The following CSMD1 variants were observed in gnomAD, a reference collection of about 807,000 sequenced individuals.
CSMD1 encodes CUB and sushi domain-containing protein 1.
In CSMD1, 213 loss-of-function variants were observed where a neutral mutation model predicts 417.5. That is an observed-to-expected ratio of 0.51 (90% confidence interval 0.46 to 0.57). The LOEUF (loss-of-function observed/expected upper bound fraction) is 0.57, where lower values mean the gene tolerates loss of function less well. CSMD1 is among the 20% of genes least tolerant of loss of function. The pLI, the probability that CSMD1 is intolerant of heterozygous loss-of-function variation, is 0.00. For missense variants in CSMD1, 6,923 were observed against 4,529.7 expected (o/e 1.53, Z -15.17); for synonymous variants, 2,862 against 1,736.8 (o/e 1.65, Z -16.11).
chr8:4,428,605 G>A (rs943095182), intron 2 of CSMD1, among the ~76,000 whole-genome samples: 5 of 152,104 alleles, frequency 3.3e-5, no homozygotes, highest in African/African-American at 9.7e-5. Flanking sequence ...AATACTAGAT[G>A]TGCTCAAGTT....
intron 2 of CSMD1, among the ~76,000 whole-genome samples, chr8:4,455,071 C>T: frequency 6.6e-6 from 1 of 151,982 alleles, no homozygotes; most frequent in East Asian, 1.9e-4. Flanking sequence ...TGGGAAACTT[C>T]GTGCTATACA....
intron 3 of CSMD1, among the ~76,000 whole-genome samples, chr8:4,232,264 T>C (rs921211465): frequency 6.6e-6 from 1 of 152,196 alleles, no homozygotes; most frequent in Non-Finnish European, 1.5e-5. Flanking sequence ...AGTGGCACGA[T>C]CTTGGCTCAC....
intron 2 of CSMD1, among the ~76,000 whole-genome samples, chr8:4,518,175 G>A (rs1433311774): frequency 6.6e-6 from 1 of 152,092 alleles, no homozygotes; most frequent in East Asian, 1.9e-4. Flanking sequence ...ACAGAGTATG[G>A]CACGAATGAT....
At chr8:3,550,374 A>G (rs990974482) in intron 10 of CSMD1, among the ~76,000 whole-genome samples, 5 of 152,124 alleles carry the variant, frequency 3.3e-5, no homozygotes, top group African/African-American at 1.2e-4. Flanking sequence ...GCCTGGACCA[A>G]TCTTCCTCCT....
At chr8:4,815,244 C>G (rs1799137973) in intron 1 of CSMD1, among the ~76,000 whole-genome samples, 1 of 151,966 alleles carries the variant, frequency 6.6e-6, no homozygotes, top group African/African-American at 2.4e-5. Flanking sequence ...GATGAAACCA[C>G]AATTAACAAT....
chr8:4,433,833 A>C (rs1351362545), intron 2 of CSMD1, among the ~76,000 whole-genome samples: 1 of 148,356 alleles, frequency 6.7e-6, no homozygotes, highest in Non-Finnish European at 1.5e-5. Context: ...AATCTGGAAA[A>C]AAAGGGAAAA....
At chr8:3,766,885 T>C (rs565445826) in intron 5 of CSMD1, among the ~76,000 whole-genome samples, 98 of 152,288 alleles carry the variant, frequency 6.4e-4, no homozygotes, top group African/African-American at 2.2e-3. Context: ...TATCACTTGA[T>C]AGACTGACGC....
intron 3 of CSMD1, among the ~76,000 whole-genome samples, chr8:4,089,773 A>G (rs1020798467): frequency 1.3e-5 from 2 of 152,136 alleles, no homozygotes; most frequent in African/African-American, 4.8e-5. Context: ...TATTTTTGTT[A>G]TGGGCAATAA....
chr8:3,017,125 G>C (rs959798583), intron 52 of CSMD1, among the ~76,000 whole-genome samples: 2 of 152,232 alleles, frequency 1.3e-5, no homozygotes, highest in East Asian at 3.8e-4. Flanking sequence ...TCAACTGTAA[G>C]TTGCTGTTAA....
At chr8:4,397,851 A>C (rs570118735) in intron 3 of CSMD1, among the ~76,000 whole-genome samples, 1 of 152,302 alleles carries the variant, frequency 6.6e-6, no homozygotes, top group Admixed American at 6.5e-5. Flanking sequence ...GTCAGGATAC[A>C]TCTTTCTAAT....
At chr8:3,297,075 C>G (rs1804026464) in intron 25 of CSMD1, among the ~76,000 whole-genome samples, 1 of 152,156 alleles carries the variant, frequency 6.6e-6, no homozygotes, top group African/African-American at 2.4e-5. Context: ...ATATGTTTGC[C>G]ATTAAGCAGA....
At chr8:3,550,346 CT>C (rs1394120375) in intron 10 of CSMD1, among the ~76,000 whole-genome samples, 1 of 152,202 alleles carries the variant, frequency 6.6e-6, no homozygotes, top group African/African-American at 2.4e-5. Flanking sequence ...CTCATTCCTA[CT>C]CCAGGGCCTT....
intron 18 of CSMD1, among the ~76,000 whole-genome samples, chr8:3,377,459 T>C (rs996936932): frequency 6.6e-6 from 1 of 152,330 alleles, no homozygotes; most frequent in Non-Finnish European, 1.5e-5. Context: ...ACAAAATGAA[T>C]AAGCTAAGTG....
chr8:4,133,107 T>C (rs543637319), intron 3 of CSMD1, among the ~76,000 whole-genome samples: 25 of 152,134 alleles, frequency 1.6e-4, no homozygotes, highest in African/African-American at 5.3e-4. Flanking sequence ...GGATAATTTT[T>C]CTGTATTTTT....
At chr8:3,000,416 T>C (rs1807300539) in intron 52 of CSMD1, among the ~76,000 whole-genome samples, 1 of 152,038 alleles carries the variant, frequency 6.6e-6, no homozygotes, top group Non-Finnish European at 1.5e-5. Context: ...CTTACCTGTA[T>C]TCAGTTATTT....
chr8:4,898,138 T>G (rs1563706615), intron 1 of CSMD1, among the ~76,000 whole-genome samples: 1 of 152,092 alleles, frequency 6.6e-6, no homozygotes, highest in Non-Finnish European at 1.5e-5. Flanking sequence ...CATATATATG[T>G]GTATATCCTC....
At chr8:3,945,589 A>G (rs539622578) in intron 5 of CSMD1, among the ~76,000 whole-genome samples, 4 of 152,264 alleles carry the variant, frequency 2.6e-5, no homozygotes, top group African/African-American at 7.2e-5. Flanking sequence ...AGAACTCACA[A>G]TTAATATCAT....
chr8:4,420,036 A>T lies in CSMD1; in HGVS notation c.332T>A (p.Ile111Lys). The T allele has an allele frequency of 6.3e-7, 1 of 1,577,024 alleles. No homozygotes were observed. Residue 111 changes from isoleucine (I) to lysine (K), a missense_variant, in exon 3 of 70, where the codon ATA becomes AAA. Coordinates refer to ENST00000635120, the MANE Select transcript of CSMD1 (RefSeq NM_033225.6). ...AGTGAGGATAGATCCTGTACTCACT[A>T]TAGAGGAGGGCAGCTGAAATCCCGA... Reference protein sequence around the residue: ...RLSGFQLPSSIVSTGSILTLW... With the variant: ...RLSGFQLPSSKVSTGSILTLW...
At chr8:4,465,511 G>A (rs1030893985) in intron 2 of CSMD1, among the ~76,000 whole-genome samples, 4 of 152,018 alleles carry the variant, frequency 2.6e-5, no homozygotes, top group Non-Finnish European at 5.9e-5. Context: ...ACTTAACAGT[G>A]GGGGATATGG....
Sources: allele counts gnomAD v4.1 joint callset (sites outside exome capture counted in the v4.1 genomes callset), GRCh38; gene constraint gnomAD v4.1.1; transcripts MANE v1.5; gene names NCBI Gene and HGNC (gene_info 2026-07-23, HGNC 2026-07-21).